The following TNC variants were observed in gnomAD, a reference collection of about 807,000 sequenced individuals.
TNC encodes tenascin C, also known as tenascin.
TNC carries 109 observed loss-of-function variants against 202.4 expected under a neutral mutation model. The ratio of observed to expected loss-of-function variants is 0.54; its 90% CI spans 0.46 to 0.63. TNC has a LOEUF of 0.63. Ranked by LOEUF, TNC falls within the 30% of genes least tolerant of loss-of-function variation. TNC has a pLI of 0.00. For missense variants in TNC, 2,756 were observed against 2,833.3 expected (o/e 0.97, Z 0.62); for synonymous variants, 1,007 against 1,089.7 (o/e 0.92, Z 1.50).
At chr9:115,023,242 G>A (rs1341951462) in intron 27 of TNC, among the ~76,000 whole-genome samples, 2 of 152,154 alleles carry the variant, frequency 1.3e-5, no homozygotes, top group African/African-American at 4.8e-5. Context: ...CCCAGGGATG[G>A]TGACTAACTT....
In TNC at chr9:115,041,010, A is replaced by G; in HGVS notation, c.5323T>C (p.Tyr1775His). 6.2e-7 allele frequency: 1 copy of G among 1,613,836 alleles called. No individual in the cohort carries two copies. Among genetic ancestry groups the G allele is most frequent in the Non-Finnish European group, 8.5e-7 (1 of 1,179,966 alleles). The change falls in exon 19 of 28, where the codon TAC becomes CAC. Residue 1775 changes from tyrosine (Y) to histidine (H), a missense_variant. Around this residue, in one of 2 missense-constraint regions of TNC, gnomAD observed 2,559 missense variants for 2,546.0 expected, o/e 1.01. Coordinates refer to ENST00000350763, the MANE Select transcript of TNC (RefSeq NM_002160.4). ...TTCATGGCGATGATGCTGACAAGGT[A>G]CTCCACGCCAGGTATGAGTTTCACC... is the stretch of plus-strand genomic sequence containing the variant. ...RLVKLIPGVEYLVSIIAMKGF... is the reference protein window; with the variant it reads ...RLVKLIPGVEHLVSIIAMKGF...
rs766526583 is a variant in TNC at position 115,019,943 on chromosome 9, A to G, written c.*1214T>C. The G allele has an allele frequency of 1.3e-5, 2 of 152,240 alleles. No homozygotes were observed. Among genetic ancestry groups the G allele is most frequent in the Non-Finnish European group, 2.9e-5 (2 of 68,046 alleles). 9.4% of individuals were successfully genotyped at this position (152,240 alleles called of 1,614,324 possible). ...ATATCATAGAGTTTCTAGGAGTTGC[A>G]TTAGAAAATGAGTATAAAAGCATCT... On this transcript the variant is annotated 3_prime_UTR_variant, in exon 28 of 28. Coordinates refer to ENST00000350763, the MANE Select transcript of TNC (RefSeq NM_002160.4).
At chr9:115,030,101 G>A (rs1012500578) in intron 24 of TNC, among the ~76,000 whole-genome samples, 153 bp downstream of exon 24, 1 of 152,194 alleles carries the variant, frequency 6.6e-6, no homozygotes, top group African/African-American at 2.4e-5. Context: ...GAGAATTCCT[G>A]AGTGCCTCTG....
At chr9:115,096,040 G>A (rs545628202) in intron 1 of TNC, among the ~76,000 whole-genome samples, 13 of 152,054 alleles carry the variant, frequency 8.5e-5, no homozygotes, top group African/African-American at 2.9e-4. Context: ...TGTATCTAAC[G>A]CAAAACAAGA....
intron 1 of TNC, among the ~76,000 whole-genome samples, chr9:115,115,996 G>A (rs1433849386): frequency 2.6e-5 from 4 of 152,172 alleles, no homozygotes; most frequent in African/African-American, 9.7e-5. Flanking sequence ...GATAAACAGA[G>A]AAACTAAGAA....
chr9:115,020,358 T>G lies in TNC; in HGVS notation c.*799A>C, dbSNP rs909696622. ...CTGGCCTGTAAGCTTTTCCCAAGTG[T>G]GTTCAACTTTATTTAAAAAAAGTGC... On this transcript the variant is annotated 3_prime_UTR_variant, in exon 28 of 28. Coordinates refer to ENST00000350763, the MANE Select transcript of TNC (RefSeq NM_002160.4). 1 of 161,196 alleles carries G rather than the reference T, an allele frequency of 6.2e-6. No individual in the cohort carries two copies. Among genetic ancestry groups the G allele is most frequent in the Admixed American group, 6.3e-5 (1 of 15,952 alleles). 10.0% of individuals were successfully genotyped at this position (161,196 alleles called of 1,614,324 possible). A position where few individuals can be genotyped will look rare whatever the true frequency, so the allele number is the denominator to read the frequency against.
At position 115,091,005 on chromosome 9, in the gene TNC, G is replaced by A. The variant is rs1835189159; in HGVS notation, c.14C>T (p.Thr5Ile). 6.2e-7 allele frequency: 1 copy of A among 1,610,944 alleles called. No homozygotes were observed. The highest frequency in any genetic ancestry group is 2.2e-5 in the East Asian group (1 of 44,880). Residue 5 changes from threonine to isoleucine, a missense_variant, in exon 2 of 28, where the codon ACT (threonine) becomes ATT (isoleucine). Thr to Ile is a moderately conservative substitution (Grantham distance 89). Coordinates refer to ENST00000350763, the MANE Select transcript of TNC (RefSeq NM_002160.4). MGAMTQLLAGVFLAF... is the reference protein window; with the variant it reads MGAMIQLLAGVFLAF... ...AAGAAAGACACCTGCCAACAGCTGAGTCATGGCCCCCATGGTGGAGGTGGG... is the reference window on the plus strand; with the variant it reads ...AAGAAAGACACCTGCCAACAGCTGAATCATGGCCCCCATGGTGGAGGTGGG...
intron 19 of TNC, among the ~76,000 whole-genome samples, chr9:115,039,402 T>C (rs533019638): frequency 2.0e-5 from 3 of 152,350 alleles, no homozygotes; most frequent in Admixed American, 6.5e-5. Context: ...TATTAAGATC[T>C]CTATTAAAGG....
At position 115,073,776 on chromosome 9, in the gene TNC, C is replaced by A. The variant is rs770461043; in HGVS notation, c.3041G>T (p.Arg1014Leu). 2 of 1,614,126 alleles carry A rather than the reference C, an allele frequency of 1.2e-6. No individual in the cohort carries two copies. The highest frequency in any genetic ancestry group is 1.1e-5 in the South Asian group (1 of 91,076). Reference sequence around the variant, plus strand: ...GGGGAGACTGTAATTGAGGCGGTAGCGGTCAAATTTGGCCAACGGTGTCTT... The same window carrying A: ...GGGGAGACTGTAATTGAGGCGGTAGAGGTCAAATTTGGCCAACGGTGTCTT... ...LWKTPLAKFDRYRLNYSLPTG... is the reference protein window; with the variant it reads ...LWKTPLAKFDLYRLNYSLPTG... The change falls in exon 10 of 28, where the codon CGC becomes CTC. Residue 1014 changes from arginine to leucine, a missense_variant. Physicochemically the swap from Arg to Leu is moderately radical, Grantham distance 102. Transcript: ENST00000350763.
Position 115,086,085 on chromosome 9 carries a change from C to T in TNC, c.1646G>A (p.Cys549Tyr), listed in dbSNP as rs1425950101. The part of the protein sequence containing the change: ...QGRCVNGQCV[C>Y]HEGFMGKDCK... ...GTCTTTGCCCATAAATCCTTCATGG[C>T]ACACGCACTGCCCATTCACACAGCG... The change falls in exon 3 of 28, where the codon TGC becomes TAC. Residue 549 changes from cysteine (C) to tyrosine (Y), a missense_variant. By Grantham distance (194) the Cys-to-Tyr change is radical. Around this residue, in one of 2 missense-constraint regions of TNC, gnomAD observed 2,559 missense variants for 2,546.0 expected, o/e 1.01. Transcript: ENST00000350763. The T allele has an allele frequency of 6.2e-7, 1 of 1,613,578 alleles. No homozygotes were observed. Among genetic ancestry groups the T allele is most frequent in the Non-Finnish European group, 8.5e-7 (1 of 1,179,562 alleles).
At chr9:115,038,681 T>C (rs968295165) in intron 19 of TNC, among the ~76,000 whole-genome samples, 4 of 152,248 alleles carry the variant, frequency 2.6e-5, no homozygotes, top group African/African-American at 7.2e-5. Flanking sequence ...GGAAAGGAGC[T>C]GTGTAAACTG....
chr9:115,099,192 G>A (rs769331), intron 1 of TNC, among the ~76,000 whole-genome samples: 91,180 of 151,816 alleles, frequency 0.6, 28,172 homozygotes, highest in African/African-American at 0.74. Context: ...TTTCTAAATG[G>A]TTTATTCTTG....
Position 115,090,833 on chromosome 9 carries a change from G to A in TNC, c.186C>T (p.Ser62=), listed in dbSNP as rs368826580. ...CTGACTCCAGATCCACCGAACACTG[G>A]GATCCCACTGGCAGCTTGATGTTGT... The part of the protein sequence containing the change: ...HVYNIKLPVG[S]QCSVDLESAS... Residue 62 remains serine, a synonymous_variant, in exon 2 of 28, where the codon TCC becomes TCT. Transcript: ENST00000350763. 1 of 1,614,182 alleles carries A rather than the reference G, an allele frequency of 6.2e-7. No individual in the cohort carries two copies. Among genetic ancestry groups the A allele is most frequent in the Admixed American group, 1.7e-5 (1 of 60,030 alleles).
At chr9:115,061,317 C>A (rs1306183235) in intron 13 of TNC, among the ~76,000 whole-genome samples, 1 of 152,194 alleles carries the variant, frequency 6.6e-6, no homozygotes, top group East Asian at 1.9e-4. Flanking sequence ...TCTAGAAGAA[C>A]TGTGTTGAGA....
chr9:115,022,479 C>T (rs762587208), intron 27 of TNC, among the ~76,000 whole-genome samples: 1 of 152,204 alleles, frequency 6.6e-6, no homozygotes, highest in African/African-American at 2.4e-5. Context: ...TGGGGCTCCC[C>T]TCCTGTGGCT....
rs180803276 is a variant in TNC, at chr9:115,042,158, T to C, written c.5248+61A>G. The C allele has an allele frequency of 1.0e-3, 1,581 of 1,560,212 alleles. 1 individual carries two copies. Among genetic ancestry groups the C allele is most frequent in the Non-Finnish European group, 1.3e-3 (1,480 of 1,152,990 alleles). On this transcript the variant is annotated intron_variant, in intron 18 of 27. Coordinates refer to ENST00000350763, the MANE Select transcript of TNC (RefSeq NM_002160.4). ...GAGGATGAAAATTATCAGGGTCTTT[T>C]TCATGAATCCATCCAAACCCACAAC...
intron 1 of TNC, among the ~76,000 whole-genome samples, chr9:115,095,524 GTATATATATA>G (rs1218406357): frequency 7.0e-4 from 3 of 4,302 alleles, no homozygotes; most frequent in Admixed American, 4.5e-3. Flanking sequence ...GTATATATAT[GTATATATATA>G]TGTATATATA....
chr9:115,038,454 A>G (rs1233918034), intron 19 of TNC, 74 bp from the exon 20 acceptor site: 2 of 1,564,818 alleles, frequency 1.3e-6, no homozygotes, highest in African/African-American at 2.7e-5. Flanking sequence ...TGCTGTCCAC[A>G]CTGCTTATGG....
intron 15 of TNC, among the ~76,000 whole-genome samples, chr9:115,056,876 A>C (rs1397889491): frequency 6.6e-6 from 1 of 152,252 alleles, no homozygotes; most frequent in East Asian, 1.9e-4. Context: ...GAGAGGTTAG[A>C]ATTCTTTTCT....
Sources: allele counts gnomAD v4.1 joint callset (sites outside exome capture counted in the v4.1 genomes callset), GRCh38; gene constraint gnomAD v4.1.1; regional missense constraint gnomAD v4.1.1; transcripts MANE v1.5; gene names NCBI Gene and HGNC (gene_info 2026-07-23, HGNC 2026-07-21).